Variants in ITGA9 observed in about 807,000 individuals in gnomAD.
ITGA9 encodes integrin alpha-9.
A neutral mutation model predicts 127.8 loss-of-function variants in ITGA9; 56 were observed. That is an observed-to-expected ratio of 0.44 (90% CI 0.35 to 0.55). The LOEUF (loss-of-function observed/expected upper bound fraction) is 0.55, where lower values mean the gene tolerates loss of function less well. Among genes scored for constraint, ITGA9 ranks in the 20% least tolerant of loss-of-function variants. The pLI, the probability that ITGA9 is intolerant of heterozygous loss-of-function variation, is 0.00. For synonymous variants in ITGA9, 508 were observed against 514.5 expected, an observed-to-expected ratio of 0.99 and a Z score of 0.17; for missense variants, 1,196 against 1,347.1, an observed-to-expected ratio of 0.89 and a Z score of 1.76.
intron 20 of ITGA9, among the ~76,000 whole-genome samples, chr3:37,737,976 T>A (rs1316060987): frequency 1.3e-5 from 2 of 152,258 alleles, no homozygotes; most frequent in Admixed American, 6.5e-5. Context: ...AGAATGAGGC[T>A]GTTCTCTTAA....
At chr3:37,655,542 TG>T (rs1309702142) in intron 17 of ITGA9, among the ~76,000 whole-genome samples, 1 of 152,216 alleles carries the variant, frequency 6.6e-6, no homozygotes, top group African/African-American at 2.4e-5. Flanking sequence ...TTGATGGGGT[TG>T]TTTTTTTTCT....
intron 15 of ITGA9, among the ~76,000 whole-genome samples, chr3:37,599,705 T>C (rs1026864881): frequency 3.9e-5 from 6 of 152,340 alleles, no homozygotes; most frequent in Non-Finnish European, 7.3e-5. Flanking sequence ...TTACTTAACC[T>C]TCGTCTATAA....
intron 9 of ITGA9, among the ~76,000 whole-genome samples, chr3:37,515,184 A>C (rs1698971725): frequency 6.6e-6 from 1 of 152,232 alleles, no homozygotes; most frequent in Non-Finnish European, 1.5e-5. Flanking sequence ...TGCATGTACA[A>C]CCAGTCCTCA....
At chr3:37,718,470 A>T (rs1175442449) in intron 18 of ITGA9, among the ~76,000 whole-genome samples, 2 of 152,180 alleles carry the variant, frequency 1.3e-5, no homozygotes, top group East Asian at 3.9e-4. Flanking sequence ...ATCCCAGAGA[A>T]GGCATTTTTT....
intron 20 of ITGA9, among the ~76,000 whole-genome samples, chr3:37,740,245 C>T (rs1696416791): frequency 6.6e-6 from 1 of 151,960 alleles, no homozygotes; most frequent in African/African-American, 2.4e-5. Context: ...CAGGGAACGG[C>T]GTGGTGGGGA....
intron 15 of ITGA9, among the ~76,000 whole-genome samples, chr3:37,602,211 T>C (rs1559546562): frequency 6.7e-6 from 1 of 148,308 alleles, no homozygotes; most frequent in Non-Finnish European, 1.5e-5. Context: ...AAAATCAAAA[T>C]TGATGGCTTT....
intron 16 of ITGA9, among the ~76,000 whole-genome samples, chr3:37,632,252 T>C (rs963789702): frequency 6.6e-6 from 1 of 152,222 alleles, no homozygotes. Context: ...TTTAGGAATA[T>C]ATTCCATTCT....
rs574349611 is a variant in ITGA9, at chr3:37,604,062, C to T, written c.1690-25125C>T. Among the ~76,000 whole-genome samples, 145 of 152,356 alleles carry T rather than the reference C, an allele frequency of 9.5e-4. 1 individual carries two copies. The highest frequency in any genetic ancestry group is 1.7e-3 in the Non-Finnish European group (115 of 68,038). On this transcript the variant is annotated intron_variant, in intron 15 of 27. Coordinates refer to ENST00000264741, the MANE Select transcript of ITGA9 (RefSeq NM_002207.3). Reference sequence around the variant, plus strand: ...GAAGCAGACAGAGGATACGGATGGGCAAGCACTTCTATCAGATGCTGGTTC... The same window carrying T: ...GAAGCAGACAGAGGATACGGATGGGTAAGCACTTCTATCAGATGCTGGTTC...
At chr3:37,600,717 C>G (rs1233741356) in intron 15 of ITGA9, among the ~76,000 whole-genome samples, 3 of 152,194 alleles carry the variant, frequency 2.0e-5, no homozygotes, top group Non-Finnish European at 4.4e-5. Context: ...GTGGATCAGT[C>G]TCATCTCCCC....
Position 37,523,523 on chromosome 3 carries a change from A to G in ITGA9, c.1239A>G (p.Lys413=). The G allele has an allele frequency of 1.2e-6, 2 of 1,613,502 alleles. No homozygotes were observed. Among genetic ancestry groups the G allele is most frequent in the Non-Finnish European group, 1.7e-6 (2 of 1,179,436 alleles). The change falls in exon 12 of 28, where the codon AAA becomes AAG. Residue 413 remains lysine, a splice_region_variant and synonymous_variant. Transcript: ENST00000264741. Reference sequence around the variant, plus strand: ...CATTTCCCTATTATCTGTTTCAGAAACTGTCTGGGCAGAAGATAAATCCAG... The same window carrying G: ...CATTTCCCTATTATCTGTTTCAGAAGCTGTCTGGGCAGAAGATAAATCCAG... ...AGGIVPQYSM[K]LSGQKINPVL...
rs768649768 is a variant in ITGA9, at chr3:37,750,470, C to T, written c.2442C>T (p.Asn814=). 2 of 1,608,506 alleles carry T rather than the reference C, an allele frequency of 1.2e-6. No individual in the cohort carries two copies. Among genetic ancestry groups the T allele is most frequent in the South Asian group, 1.1e-5 (1 of 90,962 alleles). The change falls in exon 23 of 28, where the codon AAC becomes AAT. Residue 814 remains asparagine (N), a synonymous_variant. Coordinates refer to ENST00000264741, the MANE Select transcript of ITGA9 (RefSeq NM_002207.3). Reference sequence around the variant, plus strand: ...GTGTTCCACACCCACAGGTCTACAACACTGGCCCAAGCACCCTTCCAGGGT... The same window carrying T: ...GTGTTCCACACCCACAGGTCTACAATACTGGCCCAAGCACCCTTCCAGGGT... The part of the protein sequence containing the change: ...QPINITLQVY[N]TGPSTLPGSS...
chr3:37,560,849 C>T (rs1344923865), intron 15 of ITGA9, among the ~76,000 whole-genome samples: 1 of 152,200 alleles, frequency 6.6e-6, no homozygotes, highest in Non-Finnish European at 1.5e-5. Context: ...TATTTGCCCA[C>T]AGTTCTGGAG....
At chr3:37,637,474 C>T (rs1457765631) in intron 16 of ITGA9, among the ~76,000 whole-genome samples, 1 of 152,008 alleles carries the variant, frequency 6.6e-6, no homozygotes, top group African/African-American at 2.4e-5. Context: ...GATTTTTGTA[C>T]ATTGATTTTG....
intron 11 of ITGA9, among the ~76,000 whole-genome samples, chr3:37,519,578 T>A (rs1699024123): frequency 6.6e-6 from 1 of 152,270 alleles, no homozygotes; most frequent in African/African-American, 2.4e-5. Flanking sequence ...GCATTTTGCC[T>A]AAAGAAGATA....
At chr3:37,790,369 T>A in intron 26 of ITGA9, 1 of 506,364 alleles carries the variant, frequency 2.0e-6, no homozygotes, top group Non-Finnish European at 4.0e-6. Context: ...AGGAGAGGGC[T>A]TCATCTTGCT....
chr3:37,822,083 C>G lies in ITGA9; in HGVS notation c.*3094C>G, dbSNP rs1036451589. On this transcript the variant is annotated 3_prime_UTR_variant, in exon 28 of 28. Coordinates refer to ENST00000264741, the MANE Select transcript of ITGA9 (RefSeq NM_002207.3). Reference sequence around the variant, plus strand: ...GGGGTGGATCAGTACATCTGTGTTACCCTTCCAGAATATTATTTGAAAATT... The same window carrying G: ...GGGGTGGATCAGTACATCTGTGTTAGCCTTCCAGAATATTATTTGAAAATT... The G allele has an allele frequency of 6.6e-6, 1 of 152,118 alleles. No homozygotes were observed. The highest frequency in any genetic ancestry group is 2.4e-5 in the African/African-American group (1 of 41,440). 9.4% of individuals were successfully genotyped at this position (152,118 alleles called of 1,614,324 possible).
intron 27 of ITGA9, among the ~76,000 whole-genome samples, chr3:37,817,222 G>A (rs575418025): frequency 1.4e-4 from 21 of 152,316 alleles, no homozygotes; most frequent in Admixed American, 4.6e-4. Flanking sequence ...TGTAGGACAC[G>A]TCTTATATGT....
At chr3:37,571,315 A>G (rs138530983) in intron 15 of ITGA9, among the ~76,000 whole-genome samples, 25 of 151,164 alleles carry the variant, frequency 1.7e-4, no homozygotes, top group South Asian at 6.2e-4. Flanking sequence ...CATGCTGCCC[A>G]TGGTTTATGT....
At chr3:37,759,216 TA>T (rs1183904235) in intron 23 of ITGA9, among the ~76,000 whole-genome samples, 1 of 151,490 alleles carries the variant, frequency 6.6e-6, no homozygotes, top group East Asian at 1.9e-4. Flanking sequence ...GGCAAGTCAC[TA>T]AACAAACAAA....
Sources: gnomAD v4.1 joint callset for allele counts (sites outside exome capture counted in the v4.1 genomes callset) on GRCh38, gnomAD v4.1.1 for gene constraint, MANE v1.5 for transcripts, NCBI Gene and HGNC (gene_info 2026-07-23, HGNC 2026-07-21) for gene names.